The following OPCML variants were observed in gnomAD, a reference collection of about 807,000 sequenced individuals.
OPCML encodes opioid-binding protein/cell adhesion molecule.
OPCML carries 13 observed loss-of-function variants against 37.8 expected under a neutral mutation model. The observed-to-expected ratio is 0.34, with a 90% CI of 0.22 to 0.55. OPCML has a LOEUF of 0.55. Among genes scored for constraint, OPCML ranks in the 20% least tolerant of loss-of-function variants. OPCML has a pLI of 0.91. For missense variants in OPCML, 341 were observed against 435.6 expected, an observed-to-expected ratio of 0.78 and a Z score of 1.93; for synonymous variants, 176 against 168.8, an observed-to-expected ratio of 1.04 and a Z score of -0.33.
chr11:133,338,806 T>G (rs1178861463), intron 1 of OPCML, among the ~76,000 whole-genome samples: 1 of 152,224 alleles, frequency 6.6e-6, no homozygotes, highest in Non-Finnish European at 1.5e-5. Context: ...CACCAGGAAC[T>G]GGCCTGGCCA....
At chr11:132,616,303 A>G (rs1618929) in intron 3 of OPCML, among the ~76,000 whole-genome samples, 113,448 of 152,124 alleles carry the variant, frequency 0.75, 42,987 homozygotes, top group East Asian at 0.87. Flanking sequence ...TAATGCACAC[A>G]CTGTTAGTAA....
chr11:133,083,516 TG>T (rs1441275264), intron 1 of OPCML, among the ~76,000 whole-genome samples: 3 of 152,344 alleles, frequency 2.0e-5, no homozygotes, highest in African/African-American at 7.2e-5. Context: ...GCATCCAGCG[TG>T]CCTGCTCCCA....
chr11:132,577,743 T>A (rs1412790134), intron 3 of OPCML, among the ~76,000 whole-genome samples: 3 of 152,220 alleles, frequency 2.0e-5, no homozygotes, highest in Non-Finnish European at 2.9e-5. Flanking sequence ...AGACTGTAAT[T>A]AATAATACAA....
chr11:132,483,791 A>C (rs1168104742), intron 4 of OPCML, among the ~76,000 whole-genome samples: 1 of 151,726 alleles, frequency 6.6e-6, no homozygotes, highest in Non-Finnish European at 1.5e-5. Flanking sequence ...ATCTTTGACA[A>C]ACCTGACAAA....
intron 2 of OPCML, among the ~76,000 whole-genome samples, chr11:132,924,854 C>T (rs540515943): frequency 2.7e-5 from 4 of 150,210 alleles, no homozygotes; most frequent in African/African-American, 7.5e-5. Context: ...CTATACATAT[C>T]TCCTCTGTTT....
intron 2 of OPCML, among the ~76,000 whole-genome samples, chr11:132,937,042 T>TG (rs1021697666): frequency 2.4e-4 from 37 of 152,342 alleles, no homozygotes; most frequent in Middle Eastern, 3.4e-3. Flanking sequence ...TATCTTGGAC[T>TG]GTAATTCCCT....
At chr11:133,017,643 C>T (rs1947359131) in intron 1 of OPCML, among the ~76,000 whole-genome samples, 1 of 152,182 alleles carries the variant, frequency 6.6e-6, no homozygotes, top group African/African-American at 2.4e-5. Context: ...CCCTCCTCGG[C>T]CTCCCAAACT....
At chr11:133,221,162 G>C (rs749870201) in intron 1 of OPCML, among the ~76,000 whole-genome samples, 3 of 152,078 alleles carry the variant, frequency 2.0e-5, no homozygotes, top group Non-Finnish European at 1.5e-5. Context: ...GCCATACCCC[G>C]TCAACCACCC....
chr11:132,906,071 T>A (rs186395688), intron 2 of OPCML, among the ~76,000 whole-genome samples: 3 of 152,238 alleles, frequency 2.0e-5, no homozygotes, highest in Non-Finnish European at 4.4e-5. Flanking sequence ...ATGTGACTTT[T>A]ATACACCATG....
In OPCML at chr11:133,206,789, G is replaced by C. The variant is rs558149649; in HGVS notation, c.62-263779C>G. 2.0e-5 allele frequency among the ~76,000 whole-genome samples: 3 copies of C among 152,300 alleles called. No homozygotes were observed. The South Asian group carries it at 6.2e-4, about 32-fold the overall frequency. ...CTCGGCGGAGTCTTCTGGTCCGCAG[G>C]TTTGTGAATGGATGCAGCACCCACG... On this transcript the variant is annotated intron_variant, in intron 1 of 7. Coordinates refer to ENST00000524381, the MANE Select transcript of OPCML (RefSeq NM_001012393.5). This position sits in a 1 kb window ranked among gnomAD's most constrained non-coding sequence, Gnocchi z 4.7.
intron 2 of OPCML, among the ~76,000 whole-genome samples, chr11:132,779,245 G>A (rs912428548): frequency 6.6e-6 from 1 of 152,142 alleles, no homozygotes; most frequent in African/African-American, 2.4e-5. Flanking sequence ...TGGGATTACA[G>A]GCATGAGTCA....
At chr11:133,328,810 A>G (rs1056914112) in intron 1 of OPCML, among the ~76,000 whole-genome samples, 9 of 152,132 alleles carry the variant, frequency 5.9e-5, no homozygotes, top group Admixed American at 2.6e-4. Context: ...CCTATTCAAC[A>G]TAGTGTCGGA....
intron 4 of OPCML, among the ~76,000 whole-genome samples, chr11:132,470,980 C>G (rs903492628): frequency 6.6e-5 from 10 of 152,194 alleles, no homozygotes; most frequent in African/African-American, 2.2e-4. Context: ...TCAGATAGAA[C>G]TGAAAACAAG....
At chr11:133,168,143 G>A (rs927973275) in intron 1 of OPCML, among the ~76,000 whole-genome samples, 2 of 152,212 alleles carry the variant, frequency 1.3e-5, no homozygotes, top group Admixed American at 6.5e-5. Flanking sequence ...GACTGTAGGT[G>A]ACCATTAAGT....
intron 2 of OPCML, among the ~76,000 whole-genome samples, chr11:132,718,703 A>G (rs148854028): frequency 3.0e-4 from 45 of 152,268 alleles, no homozygotes; most frequent in African/African-American, 1.0e-3. Flanking sequence ...CAATGCTCTC[A>G]CTGCACAGGG....
At chr11:133,435,432 T>C (rs1946213870) in intron 1 of OPCML, among the ~76,000 whole-genome samples, 1 of 152,234 alleles carries the variant, frequency 6.6e-6, no homozygotes, top group Non-Finnish European at 1.5e-5. Flanking sequence ...CTCATCTTTA[T>C]GTTGCTTTTC....
chr11:132,618,954 T>TACACACACAC (rs6144570), intron 3 of OPCML, among the ~76,000 whole-genome samples: 40 of 145,552 alleles, frequency 2.7e-4, no homozygotes, highest in Non-Finnish European at 4.3e-4. Flanking sequence ...AGCACACGCA[T>TACACACACAC]ACACACACAC....
chr11:132,695,341 G>T (rs1222802515), intron 2 of OPCML, among the ~76,000 whole-genome samples: 1 of 152,284 alleles, frequency 6.6e-6, no homozygotes, highest in Non-Finnish European at 1.5e-5. Flanking sequence ...GGCAGTGATG[G>T]TATGGTGTAT....
At chr11:133,466,594 C>T (rs746086021) in intron 1 of OPCML, among the ~76,000 whole-genome samples, 20 of 152,180 alleles carry the variant, frequency 1.3e-4, no homozygotes, top group Non-Finnish European at 2.2e-4. Context: ...TGCGAACATT[C>T]GCTACCAAGC....
Sources: allele counts gnomAD v4.1 joint callset (sites outside exome capture counted in the v4.1 genomes callset), GRCh38; gene constraint gnomAD v4.1.1; non-coding constraint Gnocchi (gnomAD v3.1); transcripts MANE v1.5; gene names NCBI Gene and HGNC (gene_info 2026-07-23, HGNC 2026-07-21).